The following SKAP1 variants were observed in gnomAD, a reference collection of about 807,000 sequenced individuals.
SKAP1 encodes the protein src kinase associated phosphoprotein 1.
Under a neutral mutation model 58.5 loss-of-function variants are expected in SKAP1, and 44 were observed. That is an observed-to-expected ratio of 0.75 (90% CI 0.59 to 0.97). The LOEUF (loss-of-function observed/expected upper bound fraction) is 0.97, where lower values mean the gene tolerates loss of function less well. Among genes scored for constraint, SKAP1 ranks in the 50% least tolerant of loss-of-function variants. The pLI is 0.00. For missense variants in SKAP1, 390 were observed against 435.2 expected (o/e 0.90, Z 0.92); for synonymous variants, 127 against 149.7 (o/e 0.85, Z 1.11).
intron 4 of SKAP1, among the ~76,000 whole-genome samples, chr17:48,310,911 A>G (rs1255776982): frequency 6.6e-6 from 1 of 152,214 alleles, no homozygotes; most frequent in Non-Finnish European, 1.5e-5. Flanking sequence ...TTATTGCAAC[A>G]CACATCAACA....
chr17:48,191,847 G>A (rs139085111), intron 4 of SKAP1, among the ~76,000 whole-genome samples: 6 of 152,296 alleles, frequency 3.9e-5, no homozygotes, highest in Non-Finnish European at 7.3e-5. Context: ...CAGGGTGCAC[G>A]CATGAGATGA....
chr17:48,413,654 A>T (rs2067696765), intron 1 of SKAP1, among the ~76,000 whole-genome samples: 1 of 150,958 alleles, frequency 6.6e-6, no homozygotes, highest in Admixed American at 6.6e-5. Context: ...ATTTTAAAAG[A>T]TCTCTCAATA....
At position 48,269,103 on chromosome 17, in the gene SKAP1, G is replaced by T. The variant is rs1210489955; in HGVS notation, c.280+76802C>A. On this transcript the variant is annotated intron_variant, in intron 4 of 12. Coordinates refer to ENST00000336915, the MANE Select transcript of SKAP1 (RefSeq NM_003726.4). ...GGGTGATTGAATAAATGATTTTGAA[G>T]AGAATAGTAATTTGGAACAAGATCA... 2.6e-5 allele frequency among the ~76,000 whole-genome samples: 4 copies of T among 151,916 alleles called. No individual in the cohort carries two copies. In the East Asian group the frequency reaches 7.7e-4, roughly 29 times the overall value.
At chr17:48,217,855 A>G (rs2064959040) in intron 4 of SKAP1, among the ~76,000 whole-genome samples, 1 of 152,234 alleles carries the variant, frequency 6.6e-6, no homozygotes, top group Admixed American at 6.5e-5. Context: ...GCTATTGGAA[A>G]TAAATTAAAA....
chr17:48,345,554 T>C (rs1233821804), intron 4 of SKAP1, among the ~76,000 whole-genome samples: 2 of 152,202 alleles, frequency 1.3e-5, no homozygotes, highest in Admixed American at 6.5e-5. Flanking sequence ...AATTCTCATG[T>C]AAATCAGTGA....
intron 4 of SKAP1, among the ~76,000 whole-genome samples, chr17:48,297,862 G>A (rs773600655): frequency 6.6e-6 from 1 of 152,164 alleles, no homozygotes; most frequent in Non-Finnish European, 1.5e-5. Flanking sequence ...TTTGGCAGTC[G>A]CAGTCTTACT....
In SKAP1 at chr17:48,224,088, A is replaced by AGAG. The variant is rs1156753929; in HGVS notation, c.281-34591_281-34589dup. Reference sequence around the variant, plus strand: ...AGGAGAAGGAGGAGGAGGAGGAGGAAGAGGAGGAGGAGGAGGAGGAGGAGG... The same window carrying AGAG: ...AGGAGAAGGAGGAGGAGGAGGAGGAAGAGGAGGAGGAGGAGGAGGAGGAGGAGG... On this transcript the variant is annotated intron_variant, in intron 4 of 12. Transcript: ENST00000336915. 5.3e-4 allele frequency among the ~76,000 whole-genome samples: 31 copies of AGAG among 59,016 alleles called. 3 individuals are homozygous for AGAG. Among genetic ancestry groups the AGAG allele is most frequent in the Non-Finnish European group, 7.9e-4 (26 of 32,994 alleles). The allele number at this position is 59,016 out of a possible 152,430, so 38.7% of individuals were successfully genotyped here.
intron 4 of SKAP1, among the ~76,000 whole-genome samples, chr17:48,325,953 T>C (rs560507589): frequency 6.6e-6 from 1 of 152,364 alleles, no homozygotes; most frequent in African/African-American, 2.4e-5. Context: ...GCTTTCATTT[T>C]AAAGGGAAAA....
intron 4 of SKAP1, among the ~76,000 whole-genome samples, chr17:48,190,691 A>T (rs1405030938): frequency 6.6e-6 from 1 of 152,184 alleles, no homozygotes; most frequent in Non-Finnish European, 1.5e-5. Context: ...ATTTCTTAAA[A>T]GTCTGAGAAA....
chr17:48,273,062 C>T (rs965205825), intron 4 of SKAP1, among the ~76,000 whole-genome samples: 1 of 152,170 alleles, frequency 6.6e-6, no homozygotes, highest in Non-Finnish European at 1.5e-5. Flanking sequence ...TTCAATCCAG[C>T]CAACCTCCTG....
At chr17:48,280,187 G>T (rs1407368149) in intron 4 of SKAP1, among the ~76,000 whole-genome samples, 1 of 152,052 alleles carries the variant, frequency 6.6e-6, no homozygotes, top group African/African-American at 2.4e-5. Flanking sequence ...ACAATTCTTG[G>T]CCAGGCGCTA....
At chr17:48,238,264 G>C (rs1598457181) in intron 4 of SKAP1, among the ~76,000 whole-genome samples, 1 of 152,116 alleles carries the variant, frequency 6.6e-6, no homozygotes, top group Admixed American at 6.6e-5. Context: ...AAAATGCTGG[G>C]ATTACAGGCT....
At chr17:48,362,850 T>A (rs2066953080) in intron 3 of SKAP1, among the ~76,000 whole-genome samples, 1 of 152,172 alleles carries the variant, frequency 6.6e-6, no homozygotes, top group South Asian at 2.1e-4. Context: ...AGTGACAACA[T>A]TAAGAGAATA....
chr17:48,181,896 G>A (rs1322722404), intron 8 of SKAP1, among the ~76,000 whole-genome samples: 1 of 152,114 alleles, frequency 6.6e-6, no homozygotes, highest in African/African-American at 2.4e-5. Context: ...CCATCCCAAA[G>A]CAAGGAACAT....
intron 4 of SKAP1, among the ~76,000 whole-genome samples, chr17:48,303,363 C>T (rs2066089088): frequency 6.6e-6 from 1 of 152,224 alleles, no homozygotes; most frequent in South Asian, 2.1e-4. Flanking sequence ...CAAATCATTT[C>T]TCATCTCAAC....
chr17:48,286,576 A>C (rs1883376444), intron 4 of SKAP1, among the ~76,000 whole-genome samples: 1 of 152,246 alleles, frequency 6.6e-6, no homozygotes, highest in African/African-American at 2.4e-5. Flanking sequence ...AAAAGCAAAA[A>C]TAAAGGTTAT....
intron 4 of SKAP1, among the ~76,000 whole-genome samples, chr17:48,278,670 C>T (rs2065730212): frequency 6.6e-6 from 1 of 152,020 alleles, no homozygotes; most frequent in Non-Finnish European, 1.5e-5. Flanking sequence ...ACAGAAGTAT[C>T]GGAGAAATAC....
chr17:48,140,570 G>A (rs2063755453), intron 11 of SKAP1, among the ~76,000 whole-genome samples: 1 of 152,034 alleles, frequency 6.6e-6, no homozygotes, highest in Non-Finnish European at 1.5e-5. Flanking sequence ...ATAGCCAAGT[G>A]CATTCCACCA....
chr17:48,301,943 A>G (rs1480705740), intron 4 of SKAP1, among the ~76,000 whole-genome samples: 1 of 152,240 alleles, frequency 6.6e-6, no homozygotes, highest in African/African-American at 2.4e-5. Context: ...GTTGTACACA[A>G]CAAAATTTTT....
Sources: allele counts gnomAD v4.1 joint callset (sites outside exome capture counted in the v4.1 genomes callset), GRCh38; gene constraint gnomAD v4.1.1; transcripts MANE v1.5; gene names NCBI Gene and HGNC (gene_info 2026-07-23, HGNC 2026-07-21).